USP28: variants seen among roughly 807,000 people sequenced by gnomAD.
The protein encoded by USP28 is ubiquitin carboxyl-terminal hydrolase 28.
A neutral mutation model predicts 145.0 loss-of-function variants in USP28; 113 were observed. That is an observed-to-expected ratio of 0.78 (90% CI 0.67 to 0.91). USP28 has a LOEUF of 0.91. Ranked by LOEUF, USP28 falls within the 40% of genes least tolerant of loss-of-function variation. USP28 has a pLI of 0.00. For synonymous variants in USP28, 447 were observed against 450.9 expected (o/e 0.99, Z 0.11); for missense variants, 1,201 against 1,289.6 (o/e 0.93, Z 1.05).
At chr11:113,850,304 G>A (rs1172137956) in intron 3 of USP28, among the ~76,000 whole-genome samples, 2 of 151,962 alleles carry the variant, frequency 1.3e-5, no homozygotes, top group Admixed American at 6.6e-5. Context: ...GCATGAATCC[G>A]AACAGCTCAC....
chr11:113,802,872 T>C (rs1383711174), intron 23 of USP28, among the ~76,000 whole-genome samples: 1 of 152,034 alleles, frequency 6.6e-6, no homozygotes, highest in Admixed American at 6.6e-5. Flanking sequence ...TACAACCTAG[T>C]AGGAAAGCAA....
chr11:113,849,530 T>C (rs914042698), intron 3 of USP28, among the ~76,000 whole-genome samples: 4 of 152,060 alleles, frequency 2.6e-5, no homozygotes, highest in Non-Finnish European at 5.9e-5. Flanking sequence ...AGGAGAGCAA[T>C]GGAAACCTGG....
intron 1 of USP28, among the ~76,000 whole-genome samples, chr11:113,857,373 T>C (rs1947172935): frequency 6.6e-6 from 1 of 152,246 alleles, no homozygotes; most frequent in Non-Finnish European, 1.5e-5. Flanking sequence ...AAGGTAAATA[T>C]TTTGCTTCAT....
intron 3 of USP28, among the ~76,000 whole-genome samples, chr11:113,851,060 T>A (rs536691438): frequency 2.0e-5 from 3 of 152,238 alleles, no homozygotes; most frequent in East Asian, 3.9e-4. Flanking sequence ...CCTCTCTCTC[T>A]CACACAACCC....
intron 1 of USP28, among the ~76,000 whole-genome samples, chr11:113,863,611 C>T (rs1947936455): frequency 6.8e-6 from 1 of 146,854 alleles, no homozygotes; most frequent in East Asian, 2.0e-4. Context: ...TGCCACTGCG[C>T]TCCAGCCTGG....
At chr11:113,826,227 G>A (rs1315057930) in intron 11 of USP28, among the ~76,000 whole-genome samples, 3 of 141,176 alleles carry the variant, frequency 2.1e-5, no homozygotes, top group African/African-American at 7.9e-5. Flanking sequence ...AGGTTGCAGT[G>A]AGCCGAGATC....
At chr11:113,864,145 G>A (rs1948027825) in intron 1 of USP28, among the ~76,000 whole-genome samples, 1 of 151,978 alleles carries the variant, frequency 6.6e-6, no homozygotes, top group South Asian at 2.1e-4. Context: ...GGAGGCTGAG[G>A]CGGGAGAATC....
At chr11:113,847,426 T>C (rs1324153477) in intron 3 of USP28, among the ~76,000 whole-genome samples, 3 of 110,526 alleles carry the variant, frequency 2.7e-5, no homozygotes, top group African/African-American at 1.1e-4. Context: ...TTTCTTTGGA[T>C]ATTAAGCTGC....
In USP28 at chr11:113,835,754, C is replaced by T. The variant is rs137922324; in HGVS notation, c.535-1419G>A. Among the ~76,000 whole-genome samples the T allele has an allele frequency of 9.5e-4, 145 of 152,350 alleles. 2 individuals are homozygous for T. In the East Asian group the frequency reaches 0.025, roughly 26 times the overall value. ...CAGCCATTTAACTCCACCTCTTCAC[C>T]ATCAGGAAAATCGGGCTTTGCCATT... On this transcript the variant is annotated intron_variant, in intron 5 of 24. Transcript: ENST00000003302.
chr11:113,808,086 T>G, intron 18 of USP28: 1 of 1,442,354 alleles, frequency 6.9e-7, no homozygotes, highest in Non-Finnish European at 9.1e-7. Context: ...CTGACTGCTC[T>G]GCAAGGTTTG....
At chr11:113,857,671 G>C (rs920060153) in intron 1 of USP28, among the ~76,000 whole-genome samples, 1 of 152,142 alleles carries the variant, frequency 6.6e-6, no homozygotes, top group Non-Finnish European at 1.5e-5. Flanking sequence ...AGAGATCTCA[G>C]AATGCCAAAT....
At chr11:113,813,334 A>C (rs954795439) in intron 15 of USP28, among the ~76,000 whole-genome samples, 1 of 152,196 alleles carries the variant, frequency 6.6e-6, no homozygotes, top group Non-Finnish European at 1.5e-5. Context: ...GAAGCCACTG[A>C]AAGTCCATGC....
chr11:113,865,130 C>T (rs887594182), intron 1 of USP28, among the ~76,000 whole-genome samples: 1 of 152,112 alleles, frequency 6.6e-6, no homozygotes, highest in African/African-American at 2.4e-5. Flanking sequence ...TGAGGCACTG[C>T]GTCTGGCCAC....
At chr11:113,848,291 G>C (rs1946101801) in intron 3 of USP28, among the ~76,000 whole-genome samples, 1 of 152,170 alleles carries the variant, frequency 6.6e-6, no homozygotes, top group African/African-American at 2.4e-5. Context: ...CAAGTTTCTT[G>C]CATTTACCCC....
intron 1 of USP28, chr11:113,874,632 G>A (rs1949189309): frequency 2.3e-6 from 3 of 1,285,302 alleles, no homozygotes; most frequent in South Asian, 1.2e-5. Flanking sequence ...CAGTACTTGA[G>A]GGGTGAGGAG....
At chr11:113,872,358 G>A (rs924648764) in intron 1 of USP28, among the ~76,000 whole-genome samples, 1 of 152,038 alleles carries the variant, frequency 6.6e-6, no homozygotes, top group Non-Finnish European at 1.5e-5. Context: ...GTGGTGGTGG[G>A]CACCTGTAGT....
At chr11:113,832,258 T>C (rs555030300) in intron 7 of USP28, among the ~76,000 whole-genome samples, 2 of 152,202 alleles carry the variant, frequency 1.3e-5, no homozygotes, top group South Asian at 2.1e-4. Context: ...TACAGGCACA[T>C]GCCACCATGC....
At chr11:113,832,761 T>C (rs1591315354) in intron 7 of USP28, among the ~76,000 whole-genome samples, 2 of 117,750 alleles carry the variant, frequency 1.7e-5, no homozygotes, top group Non-Finnish European at 3.8e-5. Flanking sequence ...AGTGACAGCT[T>C]TGTTTTTGTT....
At chr11:113,871,216 A>C (rs1342422292) in intron 1 of USP28, among the ~76,000 whole-genome samples, 2 of 152,230 alleles carry the variant, frequency 1.3e-5, no homozygotes, top group Admixed American at 6.5e-5. Context: ...GAGGCAGAGC[A>C]AGCTGGCTCT....
Sources: allele counts gnomAD v4.1 joint callset (sites outside exome capture counted in the v4.1 genomes callset), GRCh38; gene constraint gnomAD v4.1.1; transcripts MANE v1.5; gene names NCBI Gene and HGNC (gene_info 2026-07-23, HGNC 2026-07-21).